MTHFD2L: variants seen among roughly 807,000 people sequenced by gnomAD.
MTHFD2L encodes the protein bifunctional methylenetetrahydrofolate dehydrogenase/cyclohydrolase 2, mitochondrial.
MTHFD2L carries 29 observed loss-of-function variants against 34.9 expected under a neutral mutation model. The observed-to-expected ratio is 0.83, with a 90% CI of 0.62 to 1.13. The LOEUF (loss-of-function observed/expected upper bound fraction) is 1.13. Ranked by LOEUF, MTHFD2L falls within the 50% of genes most tolerant of loss-of-function variation. The probability of loss-of-function intolerance (pLI) is 0.00; values close to 1 mark genes in which losing one functional copy is unlikely to be tolerated. For missense variants in MTHFD2L, 481 were observed against 446.5 expected, an observed-to-expected ratio of 1.08 and a Z score of -0.70; for synonymous variants, 167 against 155.7, an observed-to-expected ratio of 1.07 and a Z score of -0.54.
chr4:74,181,129 T>C (rs1730081877), intron 3 of MTHFD2L, among the ~76,000 whole-genome samples: 1 of 152,150 alleles, frequency 6.6e-6, no homozygotes, highest in Non-Finnish European at 1.5e-5. Flanking sequence ...ACACTGGAAT[T>C]CTGCTATAAA....
At chr4:74,258,517 T>G (rs915412089) in intron 6 of MTHFD2L, among the ~76,000 whole-genome samples, 11 of 152,064 alleles carry the variant, frequency 7.2e-5, no homozygotes, top group Non-Finnish European at 1.6e-4. Flanking sequence ...TTCTTGGATG[T>G]GAAACCAACA....
At chr4:74,219,451 C>A (rs1385677517) in intron 5 of MTHFD2L, among the ~76,000 whole-genome samples, 1 of 152,018 alleles carries the variant, frequency 6.6e-6, no homozygotes. Context: ...CTGCGACTTG[C>A]TAGTACTAGC....
At chr4:74,126,851 T>A (rs1216935265) in intron 1 of MTHFD2L, among the ~76,000 whole-genome samples, 1 of 152,108 alleles carries the variant, frequency 6.6e-6, no homozygotes, top group Non-Finnish European at 1.5e-5. Context: ...CATGATATGG[T>A]TTGGCTGTTT....
At chr4:74,300,434 A>C (rs1232745765) in intron 7 of MTHFD2L, among the ~76,000 whole-genome samples, 1 of 152,074 alleles carries the variant, frequency 6.6e-6, no homozygotes, top group Non-Finnish European at 1.5e-5. Flanking sequence ...AATAATACTA[A>C]AGATATAGAC....
At chr4:74,137,492 A>G (rs1723014564) in intron 1 of MTHFD2L, among the ~76,000 whole-genome samples, 1 of 152,218 alleles carries the variant, frequency 6.6e-6, no homozygotes, top group South Asian at 2.1e-4. Flanking sequence ...ATGTGGAGAA[A>G]GGGGAATTCT....
chr4:74,256,603 C>A (rs1744055693), intron 6 of MTHFD2L, among the ~76,000 whole-genome samples: 1 of 152,186 alleles, frequency 6.6e-6, no homozygotes. Context: ...CATCCTTCTG[C>A]ATATGGCTAG....
intron 1 of MTHFD2L, among the ~76,000 whole-genome samples, chr4:74,147,058 T>C (rs1329352327): frequency 6.6e-6 from 1 of 152,186 alleles, no homozygotes; most frequent in Non-Finnish European, 1.5e-5. Context: ...TGGAGAATAC[T>C]GAGTTTCCTT....
At chr4:74,232,156 T>A (rs970016774) in intron 6 of MTHFD2L, among the ~76,000 whole-genome samples, 1 of 152,114 alleles carries the variant, frequency 6.6e-6, no homozygotes, top group African/African-American at 2.4e-5. Context: ...AGTATCAGAG[T>A]AGAGTAGTTC....
At chr4:74,301,532 C>T (rs1022771431) in intron 7 of MTHFD2L, among the ~76,000 whole-genome samples, 165 bp from the exon 8 acceptor site, 17 of 146,056 alleles carry the variant, frequency 1.2e-4, no homozygotes, top group Non-Finnish European at 1.5e-4. Flanking sequence ...TGAGTGTGAG[C>T]GTGTGTGTGT....
intron 3 of MTHFD2L, among the ~76,000 whole-genome samples, chr4:74,191,996 A>G (rs1009566618): frequency 6.6e-6 from 1 of 152,166 alleles, no homozygotes; most frequent in Admixed American, 6.5e-5. Flanking sequence ...TAGGGTTAAT[A>G]GTAGCCATTT....
chr4:74,127,091 G>A (rs542612900), intron 1 of MTHFD2L, among the ~76,000 whole-genome samples: 27 of 150,166 alleles, frequency 1.8e-4, no homozygotes, highest in Non-Finnish European at 3.2e-4. Flanking sequence ...ATGATTGTAA[G>A]TTTCCTGAGG....
chr4:74,212,561 G>A (rs1193484281), intron 5 of MTHFD2L, among the ~76,000 whole-genome samples: 1 of 152,146 alleles, frequency 6.6e-6, no homozygotes, highest in Non-Finnish European at 1.5e-5. Flanking sequence ...CTGAGATACA[G>A]TTTTTTATGA....
At chr4:74,144,943 T>C (rs1723501022) in intron 1 of MTHFD2L, among the ~76,000 whole-genome samples, 1 of 152,320 alleles carries the variant, frequency 6.6e-6, no homozygotes, top group South Asian at 2.1e-4. Flanking sequence ...ATTTTGATTA[T>C]CCATAGCTAA....
intron 1 of MTHFD2L, among the ~76,000 whole-genome samples, chr4:74,126,331 A>C (rs1458793699): frequency 6.6e-6 from 1 of 152,172 alleles, no homozygotes; most frequent in Non-Finnish European, 1.5e-5. Context: ...AATATATGTG[A>C]ACTATATATA....
intron 3 of MTHFD2L, among the ~76,000 whole-genome samples, chr4:74,180,155 C>T (rs1461363932): frequency 6.6e-6 from 1 of 152,078 alleles, no homozygotes; most frequent in Non-Finnish European, 1.5e-5. Context: ...GGTTATGAAA[C>T]TCAACTGATA....
Position 74,115,404 on chromosome 4 carries a change from C to T in MTHFD2L, c.-144+747C>T, listed in dbSNP as rs528872945. On this transcript the variant is annotated intron_variant and NMD_transcript_variant, in intron 2 of 9. Transcript: ENST00000429519. Reference sequence around the variant, plus strand: ...TACTACAGCCAGTGTTCTTCTGTCGCCATAGTTGTTACAAGTATGACAGCC... The same window carrying T: ...TACTACAGCCAGTGTTCTTCTGTCGTCATAGTTGTTACAAGTATGACAGCC... Among the ~76,000 whole-genome samples the T allele has an allele frequency of 5.3e-5, 8 of 152,266 alleles. 1 individual carries two copies. Among genetic ancestry groups the T allele is most frequent in the African/African-American group, 1.9e-4 (8 of 41,550 alleles).
At chr4:74,259,196 G>A (rs1021895887) in intron 6 of MTHFD2L, among the ~76,000 whole-genome samples, 2 of 152,156 alleles carry the variant, frequency 1.3e-5, no homozygotes, top group African/African-American at 4.8e-5. Flanking sequence ...CAGGCTGCCA[G>A]AACTTTTTAT....
intron 6 of MTHFD2L, among the ~76,000 whole-genome samples, chr4:74,275,679 GT>G (rs1335154041): frequency 6.6e-6 from 1 of 150,980 alleles, no homozygotes; most frequent in Non-Finnish European, 1.5e-5. Context: ...TTTGATTTGC[GT>G]TTCTCTAATG....
intron 1 of MTHFD2L, among the ~76,000 whole-genome samples, chr4:74,143,089 C>T (rs368056256): frequency 8.0e-5 from 12 of 150,416 alleles, no homozygotes; most frequent in African/African-American, 2.9e-4. Flanking sequence ...TAGATGTCCA[C>T]ACTGTCTATA....
Sources: allele counts gnomAD v4.1 joint callset (sites outside exome capture counted in the v4.1 genomes callset), GRCh38; gene constraint gnomAD v4.1.1; transcripts MANE v1.5; gene names NCBI Gene and HGNC (gene_info 2026-07-23, HGNC 2026-07-21).